Variants in SMARCA4 observed in about 807,000 individuals in gnomAD.
SMARCA4 encodes SWI/SNF related BAF chromatin remodeling complex subunit ATPase 4, also known as SWI/SNF-related matrix-associated actin-dependent regulator of chromatin subfamily A member 4.
SMARCA4 carries 31 observed loss-of-function variants against 193.9 expected under a neutral mutation model. The ratio of observed to expected loss-of-function variants is 0.16; its 90% CI spans 0.12 to 0.22. SMARCA4 has a LOEUF of 0.22. Ranked by LOEUF, SMARCA4 falls within the 10% of genes least tolerant of loss-of-function variation. SMARCA4 has a pLI of 1.00. For missense variants in SMARCA4, 1,148 were observed against 2,296.0 expected (o/e 0.50, Z 10.22); for synonymous variants, 942 against 933.1 (o/e 1.01, Z -0.17).
Position 11,039,510 on chromosome 19 carries a change from T to C in SMARCA4, c.4171-1797T>C, listed in dbSNP as rs2146776508. The C allele has an allele frequency of 1.2e-6, 2 of 1,601,104 alleles. No individual in the cohort carries two copies. Among genetic ancestry groups the C allele is most frequent in the Middle Eastern group, 1.7e-4 (1 of 6,044 alleles). On this transcript the variant is annotated intron_variant, in intron 29 of 34. Transcript: ENST00000344626. ...ACAGCCAGCAGTGTGGCACGTGGGC[T>C]ACAATTCCAGCGTGGCCTTCAGTTC...
intron 1 of SMARCA4, among the ~76,000 whole-genome samples, chr19:10,967,064 G>A (rs1479508289): frequency 6.6e-6 from 1 of 152,174 alleles, no homozygotes; most frequent in Non-Finnish European, 1.5e-5. Flanking sequence ...AGTATGCCCA[G>A]TGATTTCTTG....
chr19:10,985,220 T>C lies in SMARCA4; in HGVS notation c.223-53T>C, dbSNP rs78732262. 0.1 allele frequency: 167,715 copies of C among 1,607,980 alleles called. 9,323 individuals are homozygous for C. Among genetic ancestry groups the C allele is most frequent in the South Asian group, 0.11 (10,391 of 90,938 alleles). On this transcript the variant is annotated intron_variant, in intron 2 of 34. Transcript: ENST00000344626. The surrounding 1 kb of genome is among the most constrained non-coding windows in gnomAD (Gnocchi z 4.5). ...TCTCTCGGGCAGCGCATAGCTGCGC[T>C]GCCACCTCACGTTCCACATGCTGAC... is the stretch of plus-strand genomic sequence containing the variant.
chr19:11,046,983 C>T lies in SMARCA4; in HGVS notation c.4424+5423C>T, dbSNP rs374368475. ...AAAAAAAAAAGCAAAAGAAAAGCTGCCTCCATTTAGCAATAATTTCAAACA... is the reference window on the plus strand; with the variant it reads ...AAAAAAAAAAGCAAAAGAAAAGCTGTCTCCATTTAGCAATAATTTCAAACA... On this transcript the variant is annotated intron_variant, in intron 30 of 34. Coordinates refer to ENST00000344626, the MANE Select transcript of SMARCA4 (RefSeq NM_003072.5). Among the ~76,000 whole-genome samples, 242 of 150,496 alleles carry T rather than the reference C, an allele frequency of 1.6e-3. 7 individuals carry two copies. The South Asian group carries it at 0.049, about 30-fold the overall frequency.
chr19:11,046,569 C>T (rs1308537194), intron 30 of SMARCA4, among the ~76,000 whole-genome samples: 4 of 152,198 alleles, frequency 2.6e-5, no homozygotes, highest in Admixed American at 1.3e-4. Flanking sequence ...GTGCTGGAAG[C>T]ACAGCAGGCG....
intron 7 of SMARCA4, among the ~76,000 whole-genome samples, chr19:10,989,780 C>T (rs1281551030): frequency 6.6e-6 from 1 of 150,636 alleles, no homozygotes; most frequent in Non-Finnish European, 1.5e-5. Flanking sequence ...CTGCTCACTG[C>T]AACCAACGCC....
Position 10,964,317 on chromosome 19 carries a change from C to CT in SMARCA4, c.-32+3153dup, listed in dbSNP as rs112353642. 4.0e-3 allele frequency among the ~76,000 whole-genome samples: 591 copies of CT among 148,430 alleles called. 11 individuals are homozygous for CT. The highest frequency in any genetic ancestry group is 0.014 in the African/African-American group (547 of 40,488). ...CTGGTGGAACTTTCTTTCTTTCTTT[C>CT]TTTTTTTTTTGAGACGGAATCTTAC... On this transcript the variant is annotated intron_variant, in intron 1 of 34. Transcript: ENST00000344626.
rs2089639602 is a variant in SMARCA4, at chr19:11,019,182, G to C, written c.2505+159G>C. ...CCTGGAACTCCAGTCACATGGATCC[G>C]GGAGTTTGGACTGGGCAGGGACAGG... is the stretch of plus-strand genomic sequence containing the variant. On this transcript the variant is annotated intron_variant, in intron 17 of 34. Coordinates refer to ENST00000344626, the MANE Select transcript of SMARCA4 (RefSeq NM_003072.5). The surrounding 1 kb of genome is among the most constrained non-coding windows in gnomAD (Gnocchi z 6.1). 1.4e-6 allele frequency: 1 copy of C among 711,936 alleles called. No individual in the cohort carries two copies. Among genetic ancestry groups the C allele is most frequent in the Non-Finnish European group, 2.6e-6 (1 of 391,608 alleles). 44.1% of individuals were successfully genotyped at this position (711,936 alleles called of 1,614,324 possible). A position where few individuals can be genotyped will look rare whatever the true frequency, so the allele number is the denominator to read the frequency against.
chr19:10,962,946 C>T (rs1469557509), intron 1 of SMARCA4, among the ~76,000 whole-genome samples: 1 of 152,108 alleles, frequency 6.6e-6, no homozygotes, highest in Non-Finnish European at 1.5e-5. Context: ...CCCCCAGCAC[C>T]GTGAGAGCTG....
intron 30 of SMARCA4, among the ~76,000 whole-genome samples, chr19:11,042,182 C>T (rs895378209): frequency 6.6e-6 from 1 of 152,226 alleles, no homozygotes; most frequent in Non-Finnish European, 1.5e-5. Context: ...AGGCAGCATG[C>T]GGTTCCAGCT....
chr19:11,050,055 C>T (rs1186627275), intron 30 of SMARCA4, among the ~76,000 whole-genome samples: 2 of 152,160 alleles, frequency 1.3e-5, no homozygotes, highest in African/African-American at 4.8e-5. Context: ...GCCAAGATTG[C>T]ACCACTGCAC....
intron 30 of SMARCA4, among the ~76,000 whole-genome samples, chr19:11,054,313 G>A (rs1235217817): frequency 6.6e-6 from 1 of 152,246 alleles, no homozygotes; most frequent in African/African-American, 2.4e-5. Context: ...CATGGCTGGT[G>A]TGTGCCCACC....
At chr19:11,061,200 A>ATATATATATAT (rs1555796973) in intron 34 of SMARCA4, among the ~76,000 whole-genome samples, 1 of 70,516 alleles carries the variant, frequency 1.4e-5, no homozygotes, top group African/African-American at 7.3e-5. Context: ...AAAAAAAAAA[A>ATATATATATAT]AAAAATATAT....
intron 16 of SMARCA4, chr19:11,016,037 T>C (rs565561504): frequency 2.1e-4 from 32 of 151,168 alleles, no homozygotes; most frequent in African/African-American, 7.3e-4. Flanking sequence ...TTTATTTGGC[T>C]CATGATTCTG....
chr19:11,000,392 G>A (rs899173492), intron 11 of SMARCA4, among the ~76,000 whole-genome samples: 2 of 152,012 alleles, frequency 1.3e-5, no homozygotes, highest in Admixed American at 1.3e-4. Context: ...AACCAGGCTT[G>A]GTGCGCACGC....
At chr19:11,010,333 A>T (rs376217912) in intron 14 of SMARCA4, 48 bp from the exon 15 acceptor site, 55 of 1,606,486 alleles carry the variant, frequency 3.4e-5, no homozygotes, top group Non-Finnish European at 4.6e-5. Context: ...GCACATTGTC[A>T]CAGATAGGAA....
At chr19:10,980,456 G>A (rs1046166136) in intron 1 of SMARCA4, among the ~76,000 whole-genome samples, 2 of 152,130 alleles carry the variant, frequency 1.3e-5, no homozygotes, top group African/African-American at 4.8e-5. Flanking sequence ...TGATGGAAGG[G>A]AGAGGGGAGA....
At chr19:11,043,656 A>T (rs1181015492) in intron 30 of SMARCA4, among the ~76,000 whole-genome samples, 1 of 150,306 alleles carries the variant, frequency 6.7e-6, no homozygotes, top group Non-Finnish European at 1.5e-5. Context: ...CCTGTATCTT[A>T]AAAAAATGAA....
intron 11 of SMARCA4, 119 bp from the exon 12 acceptor site, chr19:11,002,910 C>T: frequency 9.4e-7 from 1 of 1,068,484 alleles, no homozygotes. Context: ...CACCACTGGC[C>T]ATGTTTGCCT....
rs146912564 is a variant in SMARCA4, at chr19:11,034,582, A to G, written c.3952-332A>G. Among the ~76,000 whole-genome samples, 840 of 152,230 alleles carry G rather than the reference A, an allele frequency of 5.5e-3. 2 individuals carry two copies. The highest frequency in any genetic ancestry group is 0.01 in the Middle Eastern group (3 of 294). The stretch of plus-strand genomic sequence containing the variant: ...CTGGGTGGGAAACAGGAAATAAGCC[A>G]CCCAAGCAGGGGCCCCTTGGCCCGC... On this transcript the variant is annotated intron_variant, in intron 28 of 34. Transcript: ENST00000344626. This position sits in a 1 kb window ranked among gnomAD's most constrained non-coding sequence, Gnocchi z 7.0.
Sources: gnomAD v4.1 joint callset for allele counts (sites outside exome capture counted in the v4.1 genomes callset) on GRCh38, gnomAD v4.1.1 for gene constraint, Gnocchi (gnomAD v3.1) non-coding constraint, MANE v1.5 for transcripts, NCBI Gene and HGNC (gene_info 2026-07-23, HGNC 2026-07-21) for gene names.